MDGA2: variants seen among roughly 807,000 people sequenced by gnomAD.
MDGA2 encodes MAM domain containing glycosylphosphatidylinositol anchor 2, also known as MAM domain-containing glycosylphosphatidylinositol anchor protein 2.
MDGA2 carries 40 observed loss-of-function variants against 117.8 expected under a neutral mutation model. The ratio of observed to expected loss-of-function variants is 0.34; its 90% CI spans 0.26 to 0.44. The LOEUF (loss-of-function observed/expected upper bound fraction) is 0.44. MDGA2 is among the 20% of genes least tolerant of loss of function. MDGA2 has a pLI of 1.00. For missense variants in MDGA2, 1,123 were observed against 1,250.6 expected, an observed-to-expected ratio of 0.90 and a Z score of 1.54; for synonymous variants, 452 against 439.0, an observed-to-expected ratio of 1.03 and a Z score of -0.37.
chr14:47,319,157 C>A (rs190087752), intron 1 of MDGA2, among the ~76,000 whole-genome samples: 1 of 152,150 alleles, frequency 6.6e-6, no homozygotes, highest in African/African-American at 2.4e-5. Context: ...TTATAATATT[C>A]TTACTGGTTG....
rs1555336022 is a variant in MDGA2, at chr14:47,609,428, C to CATATATATATATATACATATATATAT, written c.280+65088_280+65089insATATATATATGTATATATATATATAT. 2.6e-3 allele frequency among the ~76,000 whole-genome samples: 46 copies of CATATATATATATATACATATATATAT among 17,562 alleles called. 4 individuals are homozygous for CATATATATATATATACATATATATAT. The East Asian group carries it at 0.037, about 14-fold the overall frequency. 11.5% of individuals were successfully genotyped at this position (17,562 alleles called of 152,430 possible). ...TTTCTATGGCTGAGTAGTATTCCAT[C>CATATATATATATATACATATATATAT]ATATATATATATATATATATATATA... is the stretch of plus-strand genomic sequence containing the variant. On this transcript the variant is annotated intron_variant, in intron 1 of 16. Transcript: ENST00000399232.
intron 1 of MDGA2, among the ~76,000 whole-genome samples, chr14:47,487,736 T>C (rs1594882695): frequency 6.6e-6 from 1 of 152,198 alleles, no homozygotes; most frequent in Admixed American, 6.5e-5. Context: ...ACATAGATAA[T>C]GCATAATACC....
At chr14:47,594,671 T>G (rs1896502989) in intron 1 of MDGA2, among the ~76,000 whole-genome samples, 1 of 152,230 alleles carries the variant, frequency 6.6e-6, no homozygotes. Flanking sequence ...TCTTTAACCA[T>G]GATTCTTCAC....
At chr14:47,326,256 A>G (rs895800097) in intron 1 of MDGA2, among the ~76,000 whole-genome samples, 1 of 152,124 alleles carries the variant, frequency 6.6e-6, no homozygotes, top group Non-Finnish European at 1.5e-5. Flanking sequence ...AAGATTTAAA[A>G]TATATATTAT....
intron 3 of MDGA2, chr14:47,200,869 G>A (rs1380349220): frequency 1.3e-5 from 11 of 853,768 alleles, no homozygotes; most frequent in Middle Eastern, 3.3e-4. Flanking sequence ...GTGGGATGCC[G>A]TCAAACACCT....
intron 1 of MDGA2, among the ~76,000 whole-genome samples, chr14:47,433,205 T>C (rs1270930919): frequency 6.6e-6 from 1 of 152,096 alleles, no homozygotes; most frequent in African/African-American, 2.4e-5. Flanking sequence ...GTTTTTTTTA[T>C]TAAAAGCATT....
chr14:46,948,434 C>T (rs1017675931), intron 9 of MDGA2, among the ~76,000 whole-genome samples: 1 of 151,768 alleles, frequency 6.6e-6, no homozygotes, highest in East Asian at 1.9e-4. Flanking sequence ...TCATTTTTAC[C>T]ATTCTCTATC....
At chr14:46,971,046 A>C (rs1886241928) in intron 8 of MDGA2, among the ~76,000 whole-genome samples, 2 of 152,078 alleles carry the variant, frequency 1.3e-5, no homozygotes, top group Non-Finnish European at 2.9e-5. Context: ...AAAACAAAAC[A>C]AAACAAAAAC....
intron 3 of MDGA2, among the ~76,000 whole-genome samples, chr14:47,174,849 T>G (rs1222781721): frequency 6.6e-6 from 1 of 152,040 alleles, no homozygotes; most frequent in Admixed American, 6.6e-5. Flanking sequence ...AAAAAATTAA[T>G]GAATCCAGGA....
intron 1 of MDGA2, among the ~76,000 whole-genome samples, chr14:47,570,119 C>T (rs1255854920): frequency 2.0e-5 from 3 of 151,900 alleles, no homozygotes; most frequent in African/African-American, 7.3e-5. Context: ...GATAAGATGC[C>T]ATAAAATATT....
At chr14:47,603,612 A>AT (rs1896686326) in intron 1 of MDGA2, among the ~76,000 whole-genome samples, 1 of 151,936 alleles carries the variant, frequency 6.6e-6, no homozygotes, top group South Asian at 2.1e-4. Flanking sequence ...CTTATCCCTC[A>AT]TAGTCTCTCT....
In MDGA2 at chr14:47,243,760, T is replaced by G. The variant is rs183762135; in HGVS notation, c.421-25565A>C. Among the ~76,000 whole-genome samples, 44 of 151,826 alleles carry G rather than the reference T, an allele frequency of 2.9e-4. 1 individual carries two copies. The highest frequency in any genetic ancestry group is 6.3e-4 in the South Asian group (3 of 4,794). Reference sequence around the variant, plus strand: ...AACGCTCACCGCGAGGGTCCGAGGCTTCATTCTTGAAGTCAGTGAGACCAA... The same window carrying G: ...AACGCTCACCGCGAGGGTCCGAGGCGTCATTCTTGAAGTCAGTGAGACCAA... On this transcript the variant is annotated intron_variant, in intron 2 of 16. Coordinates refer to ENST00000399232, the MANE Select transcript of MDGA2 (RefSeq NM_001113498.3).
At chr14:47,666,297 T>C (rs1897960251) in intron 1 of MDGA2, among the ~76,000 whole-genome samples, 1 of 152,164 alleles carries the variant, frequency 6.6e-6, no homozygotes, top group Non-Finnish European at 1.5e-5. Flanking sequence ...GCACTCTGTG[T>C]CTAGCTTAAG....
At chr14:46,902,949 G>T (rs568586929) in intron 10 of MDGA2, among the ~76,000 whole-genome samples, 1 of 152,244 alleles carries the variant, frequency 6.6e-6, no homozygotes, top group South Asian at 2.1e-4. Context: ...GAGGCAAAAA[G>T]GGGGAGGGCC....
At chr14:47,298,346 A>T (rs1175547779) in intron 2 of MDGA2, among the ~76,000 whole-genome samples, 1 of 152,184 alleles carries the variant, frequency 6.6e-6, no homozygotes, top group Non-Finnish European at 1.5e-5. Flanking sequence ...CATAAAAAAA[A>T]TTAAAGAGGC....
rs555474040 is a variant in MDGA2, at chr14:47,298,665, G to A, written c.420+2746C>T. 2.0e-5 allele frequency among the ~76,000 whole-genome samples: 3 copies of A among 150,168 alleles called. No homozygotes were observed. In the South Asian group the frequency reaches 6.3e-4, roughly 32 times the overall value. ...CCTTATACAGTTTGTTGACAATGAAGAGGCCCACTTAATTTTTCTTTTTTT... is the reference window on the plus strand; with the variant it reads ...CCTTATACAGTTTGTTGACAATGAAAAGGCCCACTTAATTTTTCTTTTTTT... On this transcript the variant is annotated intron_variant, in intron 2 of 16. Transcript: ENST00000399232.
chr14:47,100,765 A>G (rs1477191247), intron 5 of MDGA2, among the ~76,000 whole-genome samples: 3 of 152,204 alleles, frequency 2.0e-5, no homozygotes, highest in African/African-American at 4.8e-5. Context: ...GATTAAGCAG[A>G]GCATTTATAT....
At chr14:47,468,181 C>A (rs1651656052) in intron 1 of MDGA2, among the ~76,000 whole-genome samples, 1 of 152,128 alleles carries the variant, frequency 6.6e-6, no homozygotes, top group Non-Finnish European at 1.5e-5. Flanking sequence ...GTGACATAGA[C>A]AGTCTTAGGA....
chr14:47,246,984 C>T (rs540315126), intron 2 of MDGA2, among the ~76,000 whole-genome samples: 24 of 151,856 alleles, frequency 1.6e-4, no homozygotes, highest in African/African-American at 4.8e-4. Context: ...CTATATTGTG[C>T]GATCCTCAGT....
Sources: allele counts gnomAD v4.1 joint callset (sites outside exome capture counted in the v4.1 genomes callset), GRCh38; gene constraint gnomAD v4.1.1; transcripts MANE v1.5; gene names NCBI Gene and HGNC (gene_info 2026-07-23, HGNC 2026-07-21).